EEF1G: variants seen among roughly 807,000 people sequenced by gnomAD.
EEF1G encodes elongation factor 1-gamma.
A neutral mutation model predicts 58.3 loss-of-function variants in EEF1G; 14 were observed. That is an observed-to-expected ratio of 0.24 (90% confidence interval 0.16 to 0.38). The LOEUF (loss-of-function observed/expected upper bound fraction) is 0.38. EEF1G is among the 10% of genes least tolerant of loss of function. EEF1G has a pLI of 1.00. For missense variants in EEF1G, 322 were observed against 550.1 expected (o/e 0.59, Z 4.15); for synonymous variants, 180 against 206.8 (o/e 0.87, Z 1.11).
chr11:62,568,541 C>A (rs1407390669), intron 5 of EEF1G, among the ~76,000 whole-genome samples: 1 of 151,976 alleles, frequency 6.6e-6, no homozygotes, highest in Non-Finnish European at 1.5e-5. Flanking sequence ...GCCTCCATTT[C>A]TTTTTCTAAT....
chr11:62,560,285 T>C lies in EEF1G; in HGVS notation c.1027A>G (p.Thr343Ala). Residue 343 changes from threonine (T) to alanine (A), a missense_variant, in exon 8 of 10, where the codon ACT (threonine) becomes GCT (alanine). Thr to Ala is a moderately conservative substitution (Grantham distance 58, BLOSUM62 0). Around this residue, in one of 3 missense-constraint regions of EEF1G, gnomAD observed 208 missense variants for 323.7 expected, o/e 0.64. Transcript: ENST00000329251. ...CTTCTCAGACCCACTCTCTTACCAG[T>C]GATGAGATTGCAGCTCATGAAGGTC... ...TQTFMSCNLI[T>A]GMFQRLDKLR... is the part of the protein sequence containing the mutation. The C allele has an allele frequency of 6.2e-7, 1 of 1,613,642 alleles. No homozygotes were observed. Among genetic ancestry groups the C allele is most frequent in the Non-Finnish European group, 8.5e-7 (1 of 1,179,738 alleles).
rs1356316501 is a variant in EEF1G at position 62,570,968 on chromosome 11, C to T, written c.519G>A (p.Lys173=). The T allele has an allele frequency of 6.2e-7, 1 of 1,613,708 alleles. No individual in the cohort carries two copies. The highest frequency in any genetic ancestry group is 8.5e-7 in the Non-Finnish European group (1 of 1,179,800). Residue 173 remains lysine, a synonymous_variant, in exon 5 of 10, where the codon AAG becomes AAA. Coordinates refer to ENST00000329251, the MANE Select transcript of EEF1G (RefSeq NM_001404.5). ...ATGGATTTTCCATAAACTTCACCTG[C>T]TTATAGAGCCACAACAGGGTGCAGA... The part of the protein sequence containing the change: ...TVVCTLLWLY[K]QVLEPSFRQA...
chr11:62,560,754 T>C (rs1590706219), intron 7 of EEF1G, among the ~76,000 whole-genome samples: 1 of 152,216 alleles, frequency 6.6e-6, no homozygotes, highest in East Asian at 1.9e-4. Context: ...AGGACTTCTT[T>C]TTCCCTGTTC....
chr11:62,559,774 C>T lies in EEF1G; in HGVS notation c.1219G>A (p.Glu407Lys), dbSNP rs575349463. The change falls in exon 10 of 10, where the codon GAG (glutamate) becomes AAG (lysine). Residue 407 changes from glutamate to lysine, a missense_variant. This residue lies in a region of EEF1G where 208 missense variants were observed against 323.7 expected (regional missense o/e 0.64). Coordinates refer to ENST00000329251, the MANE Select transcript of EEF1G (RefSeq NM_001404.5). ...YTWRKLDPGSEETQTLVREYF... is the reference protein window; with the variant it reads ...YTWRKLDPGSKETQTLVREYF... ...TCTCGAACCAGCGTCTGGGTCTCCT[C>T]GCTGCCAGGATCCAGTTTCCGCCAT... 1.5e-5 allele frequency: 25 copies of T among 1,613,994 alleles called. No individual in the cohort carries two copies. The highest frequency in any genetic ancestry group is 6.7e-5 in the African/African-American group (5 of 75,022).
chr11:62,571,266 T>A (rs1009777620), intron 4 of EEF1G, among the ~76,000 whole-genome samples, 158 bp from the exon 5 acceptor site: 4 of 152,104 alleles, frequency 2.6e-5, no homozygotes, highest in Non-Finnish European at 4.4e-5. Flanking sequence ...CTAAATGTAT[T>A]ACAAACAATG....
chr11:62,572,113 T>A (rs1941641150), intron 2 of EEF1G, among the ~76,000 whole-genome samples: 1 of 152,002 alleles, frequency 6.6e-6, no homozygotes, highest in African/African-American at 2.4e-5. Context: ...CCCAATAGAT[T>A]TGAATATTAC....
intron 5 of EEF1G, among the ~76,000 whole-genome samples, chr11:62,569,883 C>G (rs1565262320): frequency 6.6e-6 from 1 of 152,170 alleles, no homozygotes; most frequent in Non-Finnish European, 1.5e-5. Context: ...AAACCAGTGA[C>G]TTGTCATTCT....
In EEF1G at chr11:62,571,869, A is replaced by G; in HGVS notation, c.204T>C (p.Cys68=). Reference sequence around the variant, plus strand: ...AGGCAATGGCGTTGCTCTCAAACACACAGAATCCATCATCACCCTCAAATG... The same window carrying G: ...AGGCAATGGCGTTGCTCTCAAACACGCAGAATCCATCATCACCCTCAAATG... ...VPAFEGDDGF[C]VFESNAIAYY... Residue 68 remains cysteine, a synonymous_variant, in exon 3 of 10, where the codon TGT becomes TGC. Transcript: ENST00000329251. The G allele has an allele frequency of 6.3e-7, 1 of 1,588,210 alleles. No homozygotes were observed. Among genetic ancestry groups the G allele is most frequent in the African/African-American group, 1.3e-5 (1 of 74,432 alleles).
chr11:62,570,804 C>T (rs1941618147), intron 5 of EEF1G, among the ~76,000 whole-genome samples, 161 bp downstream of exon 5: 1 of 152,176 alleles, frequency 6.6e-6, no homozygotes, highest in Admixed American at 6.5e-5. Flanking sequence ...GATCTGCCTA[C>T]CTCGGCCCCC....
At position 62,571,543 on chromosome 11, in the gene EEF1G, T is replaced by C; in HGVS notation, c.375A>G (p.Lys125=). ...CTCTCAAAGTTCCAAGGCTCACCTG[T>C]TTGTTGTGGTGCATGATGCCCAAGG... is the stretch of plus-strand genomic sequence containing the variant. The part of the protein sequence containing the change: ...FPTLGIMHHN[K]QATENAKEEV... The change falls in exon 4 of 10, where the codon AAA becomes AAG. Residue 125 remains lysine (K), a synonymous_variant. Transcript: ENST00000329251. 6.3e-7 allele frequency: 1 copy of C among 1,596,222 alleles called. No homozygotes were observed. Among genetic ancestry groups the C allele is most frequent in the Non-Finnish European group, 8.5e-7 (1 of 1,171,012 alleles).
rs1941612079 is a variant in EEF1G, at chr11:62,570,322, A to G, written c.522+643T>C. ...AGTGATCCACCCGCCTAGGCCTCCC[A>G]AAGTGCTGGGATTATAGGTGTTAGA... On this transcript the variant is annotated intron_variant, in intron 5 of 9. Coordinates refer to ENST00000329251, the MANE Select transcript of EEF1G (RefSeq NM_001404.5). Among the ~76,000 whole-genome samples, 3 of 152,062 alleles carry G rather than the reference A, an allele frequency of 2.0e-5. No individual in the cohort carries two copies. In the South Asian group the frequency reaches 6.2e-4, roughly 32 times the overall value.
At chr11:62,565,066 C>A (rs1295109632) in intron 7 of EEF1G, among the ~76,000 whole-genome samples, 2 of 151,540 alleles carry the variant, frequency 1.3e-5, no homozygotes, top group African/African-American at 4.9e-5. Flanking sequence ...GAGTGAGACT[C>A]TGTCTCCAAA....
chr11:62,573,709 C>T lies in EEF1G; in HGVS notation c.12+122G>A, dbSNP rs1941665880. 2.1e-6 allele frequency: 3 copies of T among 1,399,788 alleles called. No individual in the cohort carries two copies. In the East Asian group the frequency reaches 7.2e-5, roughly 33 times the overall value. The allele number at this position is 1,399,788 out of a possible 1,614,324, so 86.7% of individuals were successfully genotyped here. On this transcript the variant is annotated intron_variant, in intron 1 of 9. Coordinates refer to ENST00000329251, the MANE Select transcript of EEF1G (RefSeq NM_001404.5). ...GAACCCTACTCTCCAGCAGTACAGTCTGTAGACCCCCGAATCAGTTCCCCA... is the reference window on the plus strand; with the variant it reads ...GAACCCTACTCTCCAGCAGTACAGTTTGTAGACCCCCGAATCAGTTCCCCA...
rs774220906 is a variant in EEF1G, at chr11:62,559,743, A to G, written c.1250T>C (p.Phe417Ser). The change falls in exon 10 of 10, where the codon TTT (phenylalanine) becomes TCT (serine). Residue 417 changes from phenylalanine to serine, a missense_variant. By Grantham distance (155) the Phe-to-Ser change is radical (BLOSUM62 -2). Transcript: ENST00000329251. The part of the protein sequence containing the change: ...EETQTLVREY[F>S]SWEGAFQHVG... ...ATGCTGGAAGGCCCCCTCCCAGGAA[A>G]AGTACTCTCGAACCAGCGTCTGGGT... 1.9e-6 allele frequency: 3 copies of G among 1,613,950 alleles called. No homozygotes were observed. The highest frequency in any genetic ancestry group is 1.7e-6 in the Non-Finnish European group (2 of 1,179,866).
At chr11:62,567,563 G>A in intron 5 of EEF1G, 35 bp from the exon 6 acceptor site, 1 of 1,546,084 alleles carries the variant, frequency 6.5e-7, no homozygotes, top group East Asian at 2.3e-5. Context: ...AAAGTCAGTG[G>A]AAAGGCCCTG....
At chr11:62,567,836 T>C (rs1484106596) in intron 5 of EEF1G, among the ~76,000 whole-genome samples, 1 of 151,690 alleles carries the variant, frequency 6.6e-6, no homozygotes, top group Non-Finnish European at 1.5e-5. Context: ...TCCCATGCCT[T>C]AGCCTTCTGA....
chr11:62,569,830 A>G (rs555281725), intron 5 of EEF1G, among the ~76,000 whole-genome samples: 13 of 152,246 alleles, frequency 8.5e-5, no homozygotes, highest in Admixed American at 3.9e-4. Context: ...CTATGATCAC[A>G]TTACTATTCT....
At chr11:62,569,557 TAAG>T (rs1941601254) in intron 5 of EEF1G, among the ~76,000 whole-genome samples, 1 of 152,092 alleles carries the variant, frequency 6.6e-6, no homozygotes, top group Admixed American at 6.5e-5. Context: ...CAAAGAAAAA[TAAG>T]AATAAACAGC....
At chr11:62,572,488 A>C in intron 2 of EEF1G, 96 bp downstream of exon 2, 1 of 1,464,134 alleles carries the variant, frequency 6.8e-7, no homozygotes, top group Non-Finnish European at 9.3e-7. Flanking sequence ...CAACATGGGA[A>C]GCTCCCTTTT....
Sources: allele counts gnomAD v4.1 joint callset (sites outside exome capture counted in the v4.1 genomes callset), GRCh38; gene constraint gnomAD v4.1.1; regional missense constraint gnomAD v4.1.1; transcripts MANE v1.5; gene names NCBI Gene and HGNC (gene_info 2026-07-23, HGNC 2026-07-21).